The following HSPG2 variants were observed in gnomAD, a reference collection of about 807,000 sequenced individuals.
The protein encoded by HSPG2 is heparan sulfate proteoglycan 2.
In HSPG2, 278 loss-of-function variants were observed where a neutral mutation model predicts 526.6. That is an observed-to-expected ratio of 0.53 (90% CI 0.48 to 0.58). The LOEUF (loss-of-function observed/expected upper bound fraction) is 0.58, where lower values mean the gene tolerates loss of function less well. Ranked by LOEUF, HSPG2 falls within the 20% of genes least tolerant of loss-of-function variation. The pLI is 0.00. For synonymous variants in HSPG2, 2,465 were observed against 2,555.4 expected, an observed-to-expected ratio of 0.96 and a Z score of 1.07; for missense variants, 5,354 against 6,099.5, an observed-to-expected ratio of 0.88 and a Z score of 4.07.
chr1:21,823,365 A>G lies in HSPG2; in HGVS notation c.13127T>C (p.Leu4376Pro). Residue 4376 changes from leucine to proline, a missense_variant, in exon 97 of 97, where the codon CTG becomes CCG. By Grantham distance (98) the Leu-to-Pro change is moderately conservative. Coordinates refer to ENST00000374695, the MANE Select transcript of HSPG2 (RefSeq NM_005529.7). Reference protein sequence around the residue: ...PGAPPPQPLDLQHRAQAGANT... With the variant: ...PGAPPPQPLDPQHRAQAGANT... ...GGCCCCGGCCTGGGCGCGGTGCTGCAGGTCCAGGGGCTGTGGGGGCGGGGC... is the reference window on the plus strand; with the variant it reads ...GGCCCCGGCCTGGGCGCGGTGCTGCGGGTCCAGGGGCTGTGGGGGCGGGGC... The G allele has an allele frequency of 1.3e-5, 20 of 1,548,676 alleles. No individual in the cohort carries two copies. The highest frequency in any genetic ancestry group is 1.7e-5 in the Non-Finnish European group (20 of 1,151,074).
At chr1:21,901,919 C>G (rs2152778824) in intron 1 of HSPG2, among the ~76,000 whole-genome samples, 1 of 152,288 alleles carries the variant, frequency 6.6e-6, no homozygotes, top group African/African-American at 2.4e-5. Context: ...CCCCAAATCT[C>G]TGGGGAGGGA....
Position 21,839,276 on chromosome 1 carries a change from T to A in HSPG2, c.9889+95A>T. 1 of 1,507,080 alleles carries A rather than the reference T, an allele frequency of 6.6e-7. No homozygotes were observed. The highest frequency in any genetic ancestry group is 9.1e-7 in the Non-Finnish European group (1 of 1,096,298). 93.4% of individuals were successfully genotyped at this position (1,507,080 alleles called of 1,614,324 possible). A position where few individuals can be genotyped will look rare whatever the true frequency, so the allele number is the denominator to read the frequency against. On this transcript the variant is annotated intron_variant, in intron 73 of 96. Transcript: ENST00000374695. The surrounding 1 kb of genome is among the most constrained non-coding windows in gnomAD (Gnocchi z 4.5). ...CAGGACCCTGCAGCGCCTGGAGACC[T>A]CTGGATGGGGTTCCTGGGGTTCTGT...
intron 50 of HSPG2, 96 bp from the exon 51 acceptor site, chr1:21,853,166 G>T: frequency 1.3e-6 from 2 of 1,551,290 alleles, no homozygotes; most frequent in Non-Finnish European, 1.8e-6. Flanking sequence ...GCCCTAGTGG[G>T]GACGGCCGAC....
chr1:21,869,709 A>G (rs1640499629), intron 33 of HSPG2: 4 of 986,040 alleles, frequency 4.1e-6, no homozygotes, highest in Non-Finnish European at 4.8e-6. Flanking sequence ...GCAGAGAGGG[A>G]CAGAAAGGAC....
intron 64 of HSPG2, among the ~76,000 whole-genome samples, chr1:21,845,142 A>T (rs944326403): frequency 6.6e-6 from 1 of 152,128 alleles, no homozygotes; most frequent in African/African-American, 2.4e-5. Context: ...GCTACTCAGG[A>T]GGCTGAGGCA....
chr1:21,852,652 A>G, intron 52 of HSPG2, 48 bp downstream of exon 52: 1 of 1,611,460 alleles, frequency 6.2e-7, no homozygotes, highest in Non-Finnish European at 8.5e-7. Context: ...ACCACCCCGG[A>G]GGCCTCTCTG....
intron 1 of HSPG2, among the ~76,000 whole-genome samples, chr1:21,934,220 G>C (rs747459319): frequency 1.3e-5 from 2 of 152,242 alleles, no homozygotes; most frequent in Non-Finnish European, 2.9e-5. Context: ...ATCTCACCCT[G>C]CTGCTGTGCC....
At position 21,847,362 on chromosome 1, in the gene HSPG2, C is replaced by T. The variant is rs139042516; in HGVS notation, c.8156G>A (p.Ser2719Asn). 405 of 1,614,046 alleles carry T rather than the reference C, an allele frequency of 2.5e-4. 1 individual carries two copies. In the African/African-American group the frequency reaches 4.7e-3, roughly 19 times the overall value. ...IVISVSPSAG[S>N]PSAPGSSMPI... ...TTCCTAGGCAGACTCACCGGAGGGG[C>T]TGCCGGCGCTAGGGGAGACGGAGAT... is the stretch of plus-strand genomic sequence containing the variant. The change falls in exon 62 of 97, where the codon AGC (serine) becomes AAC (asparagine). Residue 2719 changes from serine (S) to asparagine (N), a missense_variant. By Grantham distance (46) the Ser-to-Asn change is conservative. Coordinates refer to ENST00000374695, the MANE Select transcript of HSPG2 (RefSeq NM_005529.7). This position sits in a 1 kb window ranked among gnomAD's most constrained non-coding sequence, Gnocchi z 4.1.
chr1:21,824,243 G>A lies in HSPG2; in HGVS notation c.12816-39C>T. The A allele has an allele frequency of 6.2e-7, 1 of 1,613,306 alleles. No individual in the cohort carries two copies. The highest frequency in any genetic ancestry group is 1.1e-5 in the South Asian group (1 of 91,078). On this transcript the variant is annotated intron_variant, in intron 94 of 96. Transcript: ENST00000374695. This position sits in a 1 kb window ranked among gnomAD's most constrained non-coding sequence, Gnocchi z 5.9. ...GGCCCAAGAAGTATGAGCTGGGGCA[G>A]GACCGGGGGGTGGGGTGCTGGGACC...
chr1:21,841,582 A>G lies in HSPG2; in HGVS notation c.9285T>C (p.Asn3095=). The change falls in exon 70 of 97, where the codon AAT becomes AAC. Residue 3095 remains asparagine, a synonymous_variant. Transcript: ENST00000374695. ...CCACACTCTGGGCCACACCGTAGGC[A>G]TTGGAGGCCACGCAGCGGTAGGTAC... The part of the protein sequence containing the change: ...NHGTYRCVAS[N]AYGVAQSVVN... The G allele has an allele frequency of 1.2e-6, 2 of 1,614,164 alleles. No individual in the cohort carries two copies. Among genetic ancestry groups the G allele is most frequent in the Non-Finnish European group, 1.7e-6 (2 of 1,180,020 alleles).
chr1:21,859,816 A>T lies in HSPG2; in HGVS notation c.5182+19T>A. The T allele has an allele frequency of 6.2e-7, 1 of 1,610,066 alleles. No individual in the cohort carries two copies. Among genetic ancestry groups the T allele is most frequent in the East Asian group, 2.2e-5 (1 of 44,774 alleles). On this transcript the variant is annotated intron_variant, in intron 41 of 96. Coordinates refer to ENST00000374695, the MANE Select transcript of HSPG2 (RefSeq NM_005529.7). This position sits in a 1 kb window ranked among gnomAD's most constrained non-coding sequence, Gnocchi z 5.3. ...ACTGGGATGGCTCTTGGGGCTGAGG[A>T]GCCTAGGGCCATGGGTACCTTGATG...
rs761258956 is a variant in HSPG2, at chr1:21,831,304, T to A, written c.11473A>T (p.Ile3825Phe). The A allele has an allele frequency of 3.1e-6, 5 of 1,614,040 alleles. No homozygotes were observed. In the South Asian group the frequency reaches 4.4e-5, roughly 14 times the overall value. The change falls in exon 84 of 97, where the codon ATC (isoleucine) becomes TTC (phenylalanine). Residue 3825 changes from isoleucine to phenylalanine, a missense_variant. Coordinates refer to ENST00000374695, the MANE Select transcript of HSPG2 (RefSeq NM_005529.7). The stretch of plus-strand genomic sequence containing the variant: ...TGGAAGACGATCTCCTCGCCCTGGA[T>A]GCGCAGCTCCCGGACACAGCCTGGG... ...GFIGCVRELR[I>F]QGEEIVFHDL...
At position 21,835,522 on chromosome 1, in the gene HSPG2, C is replaced by A; in HGVS notation, c.10453+18G>T. On this transcript the variant is annotated intron_variant, in intron 76 of 96. Coordinates refer to ENST00000374695, the MANE Select transcript of HSPG2 (RefSeq NM_005529.7). ...TCTGTTCCCTGCTCTTAGCAGAGGC[C>A]TGAAGCCACCCTCCTACCTTGGATA... The A allele has an allele frequency of 6.3e-7, 1 of 1,580,270 alleles. No individual in the cohort carries two copies.
chr1:21,913,635 G>A (rs770683194), intron 1 of HSPG2, among the ~76,000 whole-genome samples: 105 of 152,224 alleles, frequency 6.9e-4, no homozygotes, highest in Non-Finnish European at 1.4e-3. Context: ...GAGCCCGGCT[G>A]TAACTAACTG....
rs1037261261 is a variant in HSPG2 at position 21,898,461 on chromosome 1, G to A, written c.64-2151C>T. Among the ~76,000 whole-genome samples, 2 of 152,208 alleles carry A rather than the reference G, an allele frequency of 1.3e-5. No individual in the cohort carries two copies. The highest frequency in any genetic ancestry group is 6.5e-5 in the Admixed American group (1 of 15,288). ...CGCATTCAGGAGTGTGCTTTAGAACGTCCAGGAGCTGGTGAGAAATGCAGA... is the reference window on the plus strand; with the variant it reads ...CGCATTCAGGAGTGTGCTTTAGAACATCCAGGAGCTGGTGAGAAATGCAGA... On this transcript the variant is annotated intron_variant, in intron 1 of 96. Coordinates refer to ENST00000374695, the MANE Select transcript of HSPG2 (RefSeq NM_005529.7). This position sits in a 1 kb window ranked among gnomAD's most constrained non-coding sequence, Gnocchi z 4.0.
At chr1:21,825,470 C>G (rs1010604425) in intron 91 of HSPG2, among the ~76,000 whole-genome samples, 1 of 152,170 alleles carries the variant, frequency 6.6e-6, no homozygotes, top group Non-Finnish European at 1.5e-5. Flanking sequence ...TTCTCTCCAT[C>G]TTACAGAAGA....
At chr1:21,909,252 A>G (rs1643538653) in intron 1 of HSPG2, among the ~76,000 whole-genome samples, 1 of 152,230 alleles carries the variant, frequency 6.6e-6, no homozygotes, top group Non-Finnish European at 1.5e-5. Flanking sequence ...GGCTGCAGAC[A>G]GCTTACAAAG....
At chr1:21,913,725 CAA>C (rs938157872) in intron 1 of HSPG2, among the ~76,000 whole-genome samples, 4 of 152,248 alleles carry the variant, frequency 2.6e-5, no homozygotes, top group African/African-American at 9.6e-5. Flanking sequence ...GGGGAACCCC[CAA>C]AAGATTGAGA....
rs1557681686 is a variant in HSPG2, at chr1:21,833,584, G to T, written c.10861C>A (p.Leu3621Met). Residue 3621 changes from leucine to methionine, a missense_variant, in exon 79 of 97, where the codon CTG (leucine) becomes ATG (methionine). Leu to Met is a conservative substitution (Grantham distance 15). Transcript: ENST00000374695. ...LDGSLPPDSR[L>M]ENNMLMLPSV... is the part of the protein sequence containing the mutation. ...GGCAGCATCAGCATGTTGTTCTCCA[G>T]GCGGCTGTCAGGTGGCAGGCTGCCA... The T allele has an allele frequency of 1.2e-6, 2 of 1,614,124 alleles. No homozygotes were observed. Among genetic ancestry groups the T allele is most frequent in the Non-Finnish European group, 1.7e-6 (2 of 1,180,006 alleles).
Sources: gnomAD v4.1 joint callset for allele counts (sites outside exome capture counted in the v4.1 genomes callset) on GRCh38, gnomAD v4.1.1 for gene constraint, Gnocchi (gnomAD v3.1) non-coding constraint, MANE v1.5 for transcripts, NCBI Gene and HGNC (gene_info 2026-07-23, HGNC 2026-07-21) for gene names.